GRM5: variants seen among roughly 807,000 people sequenced by gnomAD.
The protein encoded by GRM5 is glutamate metabotropic receptor 5.
Under a neutral mutation model 83.1 loss-of-function variants are expected in GRM5, and 19 were observed. That is an observed-to-expected ratio of 0.23 (90% CI 0.16 to 0.34). GRM5 has a LOEUF of 0.34. GRM5 is among the 10% of genes least tolerant of loss of function. The probability of loss-of-function intolerance (pLI) is 1.00; values close to 1 mark genes in which losing one functional copy is unlikely to be tolerated. For missense variants in GRM5, 1,160 were observed against 1,588.3 expected (o/e 0.73, Z 4.58); for synonymous variants, 675 against 633.6 (o/e 1.07, Z -0.98).
chr11:88,738,399 C>T (rs964878692), intron 3 of GRM5, among the ~76,000 whole-genome samples: 3 of 152,000 alleles, frequency 2.0e-5, no homozygotes, highest in Non-Finnish European at 4.4e-5. Context: ...TATGTATACA[C>T]ATCCAAGCCT....
chr11:88,872,267 C>T (rs1204353121), intron 2 of GRM5, among the ~76,000 whole-genome samples: 2 of 151,384 alleles, frequency 1.3e-5, no homozygotes, highest in African/African-American at 4.8e-5. Context: ...ATGCAGGAAA[C>T]AAGGCACTAA....
intron 2 of GRM5, among the ~76,000 whole-genome samples, chr11:88,887,692 A>G (rs1487583674): frequency 6.6e-6 from 1 of 152,162 alleles, no homozygotes; most frequent in Non-Finnish European, 1.5e-5. Context: ...AAGGAGACTA[A>G]AGGGATACTT....
intron 2 of GRM5, among the ~76,000 whole-genome samples, chr11:88,934,645 A>T (rs1455220179): frequency 1.3e-5 from 2 of 151,898 alleles, no homozygotes; most frequent in Non-Finnish European, 2.9e-5. Context: ...ACATTAACTT[A>T]ATGATTTTAT....
chr11:88,532,188 G>T (rs1293808811), intron 8 of GRM5, among the ~76,000 whole-genome samples: 1 of 152,146 alleles, frequency 6.6e-6, no homozygotes, highest in Non-Finnish European at 1.5e-5. Context: ...AGTCTGGGGA[G>T]TAAGTGGGTA....
At chr11:88,715,950 G>A (rs778069414) in intron 3 of GRM5, among the ~76,000 whole-genome samples, 5 of 151,958 alleles carry the variant, frequency 3.3e-5, no homozygotes, top group Non-Finnish European at 5.9e-5. Flanking sequence ...TCATTCTGAT[G>A]CACAGCCACA....
intron 2 of GRM5, among the ~76,000 whole-genome samples, chr11:88,970,963 G>A (rs1208323227): frequency 6.6e-6 from 1 of 152,052 alleles, no homozygotes; most frequent in Non-Finnish European, 1.5e-5. Flanking sequence ...TCCTTTGTGT[G>A]AGCTTTTAGC....
intron 4 of GRM5, among the ~76,000 whole-genome samples, chr11:88,643,816 T>C (rs1939363275): frequency 6.6e-6 from 1 of 152,226 alleles, no homozygotes; most frequent in Non-Finnish European, 1.5e-5. Flanking sequence ...TCAAGTGTTC[T>C]GAGCTATGGC....
At chr11:88,693,523 G>A (rs780985519) in intron 3 of GRM5, among the ~76,000 whole-genome samples, 10 of 152,166 alleles carry the variant, frequency 6.6e-5, no homozygotes, top group Non-Finnish European at 1.2e-4. Flanking sequence ...AAATACCGAT[G>A]ACACTAGGCT....
chr11:88,964,274 T>C (rs927459887), intron 2 of GRM5, among the ~76,000 whole-genome samples: 1 of 152,146 alleles, frequency 6.6e-6, no homozygotes, highest in African/African-American at 2.4e-5. Flanking sequence ...ATTAAGGATG[T>C]TACCTTCCCA....
chr11:88,660,233 T>A (rs1397899090), intron 3 of GRM5, among the ~76,000 whole-genome samples: 1 of 152,228 alleles, frequency 6.6e-6, no homozygotes, highest in Non-Finnish European at 1.5e-5. Context: ...ATCATTAGAT[T>A]TCCAGTCACT....
intron 8 of GRM5, among the ~76,000 whole-genome samples, chr11:88,560,930 A>G (rs141359308): frequency 6.6e-6 from 1 of 152,190 alleles, no homozygotes; most frequent in Non-Finnish European, 1.5e-5. Flanking sequence ...GGAATACATA[A>G]TAAATGCTCC....
intron 2 of GRM5, among the ~76,000 whole-genome samples, chr11:89,025,528 G>T (rs1019888938): frequency 7.9e-5 from 12 of 152,136 alleles, no homozygotes; most frequent in African/African-American, 2.9e-4. Flanking sequence ...CTTACAAAAT[G>T]CATCAGATGG....
intron 4 of GRM5, among the ~76,000 whole-genome samples, chr11:88,630,650 C>T (rs1938941312): frequency 6.6e-6 from 1 of 151,908 alleles, no homozygotes; most frequent in Non-Finnish European, 1.5e-5. Context: ...GCGATCTTGG[C>T]TCACTGCAAC....
At position 88,831,590 on chromosome 11, in the gene GRM5, G is replaced by A. The variant is rs561973403; in HGVS notation, c.911+18316C>T. Among the ~76,000 whole-genome samples the A allele has an allele frequency of 1.2e-4, 18 of 152,268 alleles. No homozygotes were observed. In the South Asian group the frequency reaches 3.7e-3, roughly 32 times the overall value. ...TATCCCTCACCCAGTGCCTGAACAT[G>A]TCACTTGGCATCTGGGAGTTTGGCA... is the stretch of plus-strand genomic sequence containing the variant. On this transcript the variant is annotated intron_variant, in intron 3 of 9. Coordinates refer to ENST00000305447, the MANE Select transcript of GRM5 (RefSeq NM_001143831.3).
intron 4 of GRM5, among the ~76,000 whole-genome samples, chr11:88,634,942 T>C (rs567726638): frequency 1.3e-5 from 2 of 152,312 alleles, no homozygotes; most frequent in East Asian, 1.9e-4. Context: ...CATTGTTGTA[T>C]ATGTGGACCA....
At chr11:88,725,422 C>T (rs1270353217) in intron 3 of GRM5, among the ~76,000 whole-genome samples, 1 of 152,160 alleles carries the variant, frequency 6.6e-6, no homozygotes, top group East Asian at 1.9e-4. Flanking sequence ...CTCCTTGGGA[C>T]AGAGCACCTG....
Position 88,776,908 on chromosome 11 carries a change from T to G in GRM5, c.911+72998A>C, listed in dbSNP as rs578208941. ...ATTTCAACCTTGGCAAATCTGACAATTATGTGTCTTGGGGTTGCTCTTCTT... is the reference window on the plus strand; with the variant it reads ...ATTTCAACCTTGGCAAATCTGACAAGTATGTGTCTTGGGGTTGCTCTTCTT... On this transcript the variant is annotated intron_variant, in intron 3 of 9. Coordinates refer to ENST00000305447, the MANE Select transcript of GRM5 (RefSeq NM_001143831.3). 2.0e-5 allele frequency among the ~76,000 whole-genome samples: 3 copies of G among 152,286 alleles called. No individual in the cohort carries two copies. The South Asian group carries it at 6.2e-4, about 32-fold the overall frequency.
intron 3 of GRM5, among the ~76,000 whole-genome samples, chr11:88,827,815 T>A (rs943041287): frequency 6.6e-6 from 1 of 152,220 alleles, no homozygotes; most frequent in African/African-American, 2.4e-5. Flanking sequence ...GAGCTTACCT[T>A]CTAGCATAGA....
intron 7 of GRM5, among the ~76,000 whole-genome samples, 161 bp downstream of exon 7, chr11:88,590,440 A>G (rs1937616686): frequency 1.3e-5 from 2 of 152,184 alleles, no homozygotes. Flanking sequence ...GAAGATTTGA[A>G]TAAGTAGCTC....
Sources: allele counts gnomAD v4.1 joint callset (sites outside exome capture counted in the v4.1 genomes callset), GRCh38; gene constraint gnomAD v4.1.1; transcripts MANE v1.5; gene names NCBI Gene and HGNC (gene_info 2026-07-23, HGNC 2026-07-21).